Variants in CCL21 observed in about 807,000 individuals in gnomAD.
The protein encoded by CCL21 is C-C motif chemokine ligand 21, also known as C-C motif chemokine 21.
Under a neutral mutation model 16.4 loss-of-function variants are expected in CCL21, and 12 were observed. That is an observed-to-expected ratio of 0.73 (90% CI 0.47 to 1.18). CCL21 has a LOEUF of 1.18. CCL21 is among the 50% of genes most tolerant of loss of function. The pLI is 0.00. For synonymous variants in CCL21, 64 were observed against 62.1 expected (o/e 1.03, Z -0.15); for missense variants, 155 against 163.8 (o/e 0.95, Z 0.29).
Position 34,709,305 on chromosome 9 carries a change from G to A in CCL21, c.*89C>T, listed in dbSNP as rs1821950239. 1 of 1,515,054 alleles carries A rather than the reference G, an allele frequency of 6.6e-7. No homozygotes were observed. The highest frequency in any genetic ancestry group is 2.0e-5 in the Admixed American group (1 of 50,284). The allele number at this position is 1,515,054 out of a possible 1,614,324, so 93.9% of individuals were successfully genotyped here. A position where few individuals can be genotyped will look rare whatever the true frequency, so the allele number is the denominator to read the frequency against. On this transcript the variant is annotated 3_prime_UTR_variant, in exon 4 of 4. Transcript: ENST00000259607. ...ATGGGGTGGCTGCTCCAGGGCCCCT[G>A]AGCATAGCCTCCTTCTTGCATCTTG...
chr9:34,709,294 C>T lies in CCL21; in HGVS notation c.*100G>A. 12 of 1,437,718 alleles carry T rather than the reference C, an allele frequency of 8.3e-6. No individual in the cohort carries two copies. The highest frequency in any genetic ancestry group is 1.1e-5 in the Non-Finnish European group (11 of 1,041,140). The allele number at this position is 1,437,718 out of a possible 1,614,324, so 89.1% of individuals were successfully genotyped here. A position where few individuals can be genotyped will look rare whatever the true frequency, so the allele number is the denominator to read the frequency against. On this transcript the variant is annotated 3_prime_UTR_variant, in exon 4 of 4. Coordinates refer to ENST00000259607, the MANE Select transcript of CCL21 (RefSeq NM_002989.4). Reference sequence around the variant, plus strand: ...GCAAGGCCAGCATGGGGTGGCTGCTCCAGGGCCCCTGAGCATAGCCTCCTT... The same window carrying T: ...GCAAGGCCAGCATGGGGTGGCTGCTTCAGGGCCCCTGAGCATAGCCTCCTT...
intron 1 of CCL21, 24 bp from the exon 2 acceptor site, chr9:34,709,921 G>A (rs1339334739): frequency 1.9e-6 from 3 of 1,614,054 alleles, no homozygotes; most frequent in East Asian, 2.2e-5. Context: ...TTCACAGGGA[G>A]CCAGGGGCTG....
rs1360588383 is a variant in CCL21 at position 34,709,408 on chromosome 9, G to A, written c.391C>T (p.Pro131Ser). The change falls in exon 4 of 4, where the codon CCT becomes TCT. Residue 131 changes from proline to serine, a missense_variant. Pro to Ser is a moderately conservative substitution (Grantham distance 74). Transcript: ENST00000259607. ...TGCTCACTGGGCTATGGCCCTTTAGGGGTCTGTGACCGCTCAGTCCTGTGA... is the reference window on the plus strand; with the variant it reads ...TGCTCACTGGGCTATGGCCCTTTAGAGGTCTGTGACCGCTCAGTCCTGTGA... ...GCKRTERSQT[P>S]KGP The A allele has an allele frequency of 1.2e-6, 2 of 1,609,462 alleles. No homozygotes were observed. Among genetic ancestry groups the A allele is most frequent in the African/African-American group, 1.3e-5 (1 of 74,508 alleles).
In CCL21 at chr9:34,709,175, G is replaced by T. The variant is rs534039957; in HGVS notation, c.*219C>A. 1.2e-5 allele frequency: 7 copies of T among 606,718 alleles called. No individual in the cohort carries two copies. In the Admixed American group the frequency reaches 1.2e-4, roughly 11 times the overall value. The allele number at this position is 606,718 out of a possible 1,614,324, so 37.6% of individuals were successfully genotyped here. A position where few individuals can be genotyped will look rare whatever the true frequency, so the allele number is the denominator to read the frequency against. On this transcript the variant is annotated 3_prime_UTR_variant, in exon 4 of 4. Coordinates refer to ENST00000259607, the MANE Select transcript of CCL21 (RefSeq NM_002989.4). Reference sequence around the variant, plus strand: ...GCTCCCTGGGAGACTCTCCCTCCTCGGTCTCTCTGGACCTGGCCTGCTGTG... The same window carrying T: ...GCTCCCTGGGAGACTCTCCCTCCTCTGTCTCTCTGGACCTGGCCTGCTGTG...
Position 34,710,030 on chromosome 9 carries a change from C to T in CCL21, c.37G>A (p.Val13Ile). Residue 13 changes from valine to isoleucine, a missense_variant, in exon 1 of 4, where the codon GTT becomes ATT. Physicochemically the swap from Val to Ile is conservative, Grantham distance 29. Coordinates refer to ENST00000259607, the MANE Select transcript of CCL21 (RefSeq NM_002989.4). ...QSLALSLLIL[V>I]LAFGIPRTQG... ...GTCCTGGGGATGCCAAAGGCCAGAA[C>T]CAGGATAAGGAGGCTCAGAGCCAGT... The T allele has an allele frequency of 5.0e-6, 8 of 1,614,102 alleles. No individual in the cohort carries two copies. Among genetic ancestry groups the T allele is most frequent in the African/African-American group, 4.0e-5 (3 of 75,044 alleles).
At position 34,709,463 on chromosome 9, in the gene CCL21, G is replaced by A. The variant is rs1326745863; in HGVS notation, c.372-36C>T. 3.7e-6 allele frequency: 6 copies of A among 1,613,314 alleles called. No homozygotes were observed. The African/African-American group carries it at 6.7e-5, about 18-fold the overall frequency. On this transcript the variant is annotated intron_variant, in intron 3 of 3. Coordinates refer to ENST00000259607, the MANE Select transcript of CCL21 (RefSeq NM_002989.4). Reference sequence around the variant, plus strand: ...AGAAGAGGGGTGTGAGGGGCTGACTGAGGCTCCCCTTTACCCACATCCCTC... The same window carrying A: ...AGAAGAGGGGTGTGAGGGGCTGACTAAGGCTCCCCTTTACCCACATCCCTC...
Position 34,709,295 on chromosome 9 carries a change from CA to C in CCL21, c.*98del. The C allele has an allele frequency of 7.0e-7, 1 of 1,434,638 alleles. No homozygotes were observed. The highest frequency in any genetic ancestry group is 9.6e-7 in the Non-Finnish European group (1 of 1,038,012). The allele number at this position is 1,434,638 out of a possible 1,614,324, so 88.9% of individuals were successfully genotyped here. A position where few individuals can be genotyped will look rare whatever the true frequency, so the allele number is the denominator to read the frequency against. On this transcript the variant is annotated 3_prime_UTR_variant, in exon 4 of 4. Coordinates refer to ENST00000259607, the MANE Select transcript of CCL21 (RefSeq NM_002989.4). ...CAAGGCCAGCATGGGGTGGCTGCTC[CA>C]GGGCCCCTGAGCATAGCCTCCTTCT...
chr9:34,709,518 CCCTTT>C lies in CCL21; in HGVS notation c.348_352del (p.Lys117LeufsTer8). 1 of 1,614,132 alleles carries C rather than the reference CCCTTT, an allele frequency of 6.2e-7. No homozygotes were observed. The highest frequency in any genetic ancestry group is 8.5e-7 in the Non-Finnish European group (1 of 1,180,018). ...TCCTCACCTCTTGCAGCCTTTGGAGCCCTTTCCTTTCTTGCCAGTCTTGGAGGCCC... is the reference window on the plus strand; with the variant it reads ...TCCTCACCTCTTGCAGCCTTTGGAGCCCTTTCTTGCCAGTCTTGGAGGCCC... On this transcript the variant is annotated frameshift_variant, in exon 3 of 4. Coordinates refer to ENST00000259607, the MANE Select transcript of CCL21 (RefSeq NM_002989.4). LOFTEE classifies it high-confidence loss of function.
chr9:34,709,584 G>C lies in CCL21; in HGVS notation c.287C>G (p.Pro96Arg). 1 of 1,614,170 alleles carries C rather than the reference G, an allele frequency of 6.2e-7. No individual in the cohort carries two copies. Among genetic ancestry groups the C allele is most frequent in the South Asian group, 1.1e-5 (1 of 91,080 alleles). Residue 96 changes from proline to arginine, a missense_variant, in exon 3 of 4, where the codon CCA becomes CGA. By Grantham distance (103) the Pro-to-Arg change is moderately radical. Coordinates refer to ENST00000259607, the MANE Select transcript of CCL21 (RefSeq NM_002989.4). ...CCTGCAGCCCTGGGCTGGTTTCTGT[G>C]GGGATGGTGTCTTGTCCAGATGCTG... ...LMQHLDKTPS[P>R]QKPAQGCRKD...
In CCL21 at chr9:34,709,903, G is replaced by C. The variant is rs1268723087; in HGVS notation, c.68-6C>G. The C allele has an allele frequency of 1.9e-6, 3 of 1,614,096 alleles. No individual in the cohort carries two copies. The highest frequency in any genetic ancestry group is 2.5e-6 in the Non-Finnish European group (3 of 1,180,030). On this transcript the variant is annotated splice_polypyrimidine_tract_variant and splice_region_variant and intron_variant, in intron 1 of 3. Coordinates refer to ENST00000259607, the MANE Select transcript of CCL21 (RefSeq NM_002989.4). ...CTGAGCCCCTCCATCACTGCCTGCAGGGTGGGATTCACAGGGAGCCAGGGG... is the reference window on the plus strand; with the variant it reads ...CTGAGCCCCTCCATCACTGCCTGCACGGTGGGATTCACAGGGAGCCAGGGG...
In CCL21 at chr9:34,709,309, A is replaced by G; in HGVS notation, c.*85T>C. On this transcript the variant is annotated 3_prime_UTR_variant, in exon 4 of 4. Coordinates refer to ENST00000259607, the MANE Select transcript of CCL21 (RefSeq NM_002989.4). ...GGTGGCTGCTCCAGGGCCCCTGAGC[A>G]TAGCCTCCTTCTTGCATCTTGGGTT... 2.0e-6 allele frequency: 3 copies of G among 1,536,034 alleles called. No individual in the cohort carries two copies. The highest frequency in any genetic ancestry group is 2.7e-6 in the Non-Finnish European group (3 of 1,124,038).
At position 34,709,087 on chromosome 9, in the gene CCL21, C is replaced by T. The variant is rs896066029; in HGVS notation, c.*307G>A. 26 of 479,266 alleles carry T rather than the reference C, an allele frequency of 5.4e-5. No individual in the cohort carries two copies. Among genetic ancestry groups the T allele is most frequent in the African/African-American group, 2.0e-5 (1 of 49,942 alleles). The allele number at this position is 479,266 out of a possible 1,614,324, so 29.7% of individuals were successfully genotyped here. A position where few individuals can be genotyped will look rare whatever the true frequency, so the allele number is the denominator to read the frequency against. On this transcript the variant is annotated 3_prime_UTR_variant, in exon 4 of 4. Transcript: ENST00000259607. ...GAAGAGGTGGGGTGTACTGGGGAGC[C>T]GTATCAGGTCCAGGGTCCTGATGAT... is the stretch of plus-strand genomic sequence containing the variant.
chr9:34,709,132 C>G lies in CCL21; in HGVS notation c.*262G>C, dbSNP rs1286175627. ...GATGATTCTCCTTCAAGGGGACAGT[C>G]CTGCTGCCTCCTCTCATGCTCCCTG... On this transcript the variant is annotated 3_prime_UTR_variant, in exon 4 of 4. Transcript: ENST00000259607. 1 of 572,726 alleles carries G rather than the reference C, an allele frequency of 1.7e-6. No homozygotes were observed. Among genetic ancestry groups the G allele is most frequent in the East Asian group, 2.9e-5 (1 of 33,998 alleles). The allele number at this position is 572,726 out of a possible 1,614,324, so 35.5% of individuals were successfully genotyped here.
In CCL21 at chr9:34,709,519, C is replaced by T; in HGVS notation, c.352G>A (p.Gly118Ser). The T allele has an allele frequency of 6.2e-7, 1 of 1,614,120 alleles. No homozygotes were observed. Among genetic ancestry groups the T allele is most frequent in the Non-Finnish European group, 8.5e-7 (1 of 1,180,004 alleles). Residue 118 changes from glycine to serine, a missense_variant, in exon 3 of 4, where the codon GGC becomes AGC. Coordinates refer to ENST00000259607, the MANE Select transcript of CCL21 (RefSeq NM_002989.4). The stretch of plus-strand genomic sequence containing the variant: ...CCTCACCTCTTGCAGCCTTTGGAGC[C>T]CTTTCCTTTCTTGCCAGTCTTGGAG... ...GASKTGKKGK[G>S]SKGCKRTERS...
chr9:34,709,339 C>G lies in CCL21; in HGVS notation c.*55G>C. The stretch of plus-strand genomic sequence containing the variant: ...CTCCTTCTTGCATCTTGGGTTCAGG[C>G]TTCAAGCGCTGGTGAGGCTGGTGGG... On this transcript the variant is annotated 3_prime_UTR_variant, in exon 4 of 4. Transcript: ENST00000259607. 1 of 1,597,462 alleles carries G rather than the reference C, an allele frequency of 6.3e-7. No homozygotes were observed. The highest frequency in any genetic ancestry group is 1.1e-5 in the South Asian group (1 of 89,166).
chr9:34,709,961 C>A (rs777648001), intron 1 of CCL21, 39 bp downstream of exon 1: 3 of 1,613,810 alleles, frequency 1.9e-6, no homozygotes, highest in Middle Eastern at 1.7e-4. Context: ...GCCTCTTGAT[C>A]CCCTTAGCCC....
At chr9:34,709,710 T>C (rs199508895) in intron 2 of CCL21, 28 bp from the exon 3 acceptor site, 1 of 1,613,578 alleles carries the variant, frequency 6.2e-7, no homozygotes, top group Non-Finnish European at 8.5e-7. Flanking sequence ...TAAGCCTTCT[T>C]AGTCTTGCCC....
rs1821949660 is a variant in CCL21 at position 34,709,252 on chromosome 9, G to T, written c.*142C>A. 13 of 1,026,970 alleles carry T rather than the reference G, an allele frequency of 1.3e-5. No individual in the cohort carries two copies. Among genetic ancestry groups the T allele is most frequent in the Non-Finnish European group, 1.8e-5 (12 of 671,672 alleles). The allele number at this position is 1,026,970 out of a possible 1,614,324, so 63.6% of individuals were successfully genotyped here. A position where few individuals can be genotyped will look rare whatever the true frequency, so the allele number is the denominator to read the frequency against. ...TGGGAATGCAGATGGGGTGGTTAAA[G>T]CAGGAGAAAGAGTGTGGCAAGGCCA... On this transcript the variant is annotated 3_prime_UTR_variant, in exon 4 of 4. Transcript: ENST00000259607.
At position 34,709,596 on chromosome 9, in the gene CCL21, T is replaced by C. The variant is rs755580810; in HGVS notation, c.275A>G (p.Lys92Arg). ...WVQQLMQHLD[K>R]TPSPQKPAQG... ...GGCTGGTTTCTGTGGGGATGGTGTCTTGTCCAGATGCTGCATCAGCTGCTG... is the reference window on the plus strand; with the variant it reads ...GGCTGGTTTCTGTGGGGATGGTGTCCTGTCCAGATGCTGCATCAGCTGCTG... The change falls in exon 3 of 4, where the codon AAG (lysine) becomes AGG (arginine). Residue 92 changes from lysine (K) to arginine (R), a missense_variant. Coordinates refer to ENST00000259607, the MANE Select transcript of CCL21 (RefSeq NM_002989.4). 3.1e-6 allele frequency: 5 copies of C among 1,614,206 alleles called. No individual in the cohort carries two copies. The highest frequency in any genetic ancestry group is 4.2e-6 in the Non-Finnish European group (5 of 1,180,018).
Sources: gnomAD v4.1 joint callset for allele counts on GRCh38, gnomAD v4.1.1 for gene constraint, MANE v1.5 for transcripts, NCBI Gene and HGNC (gene_info 2026-07-23, HGNC 2026-07-21) for gene names.